The following NOTCH4 variants were observed in gnomAD, a reference collection of about 807,000 sequenced individuals.
The protein encoded by NOTCH4 is neurogenic locus notch homolog protein 4.
Under a neutral mutation model 189.0 loss-of-function variants are expected in NOTCH4, and 138 were observed. That is an observed-to-expected ratio of 0.73 (90% CI 0.64 to 0.84). The LOEUF (loss-of-function observed/expected upper bound fraction) is 0.84. Among genes scored for constraint, NOTCH4 ranks in the 40% least tolerant of loss-of-function variants. NOTCH4 has a pLI of 0.00. For synonymous variants in NOTCH4, 942 were observed against 1,032.8 expected (o/e 0.91, Z 1.69); for missense variants, 2,286 against 2,605.4 (o/e 0.88, Z 2.67).
At position 32,217,318 on chromosome 6, in the gene NOTCH4, C is replaced by G. The variant is rs946219417; in HGVS notation, c.1625-52G>C. The G allele has an allele frequency of 1.7e-6, 2 of 1,174,088 alleles. No individual in the cohort carries two copies. Among genetic ancestry groups the G allele is most frequent in the Non-Finnish European group, 2.5e-6 (2 of 789,282 alleles). 72.7% of individuals were successfully genotyped at this position (1,174,088 alleles called of 1,614,324 possible). A position where few individuals can be genotyped will look rare whatever the true frequency, so the allele number is the denominator to read the frequency against. ...AGGAGGCCAAGGTCATCGAGGGAGG[C>G]ACAGCATGGCGCCTTCCCTTGCCAG... On this transcript the variant is annotated intron_variant, in intron 9 of 29. Coordinates refer to ENST00000375023, the MANE Select transcript of NOTCH4 (RefSeq NM_004557.4). The surrounding 1 kb of genome is among the most constrained non-coding windows in gnomAD (Gnocchi z 4.2).
chr6:32,196,113 G>T lies in NOTCH4; in HGVS notation c.5336C>A (p.Ala1779Glu), dbSNP rs1385423454. 6.3e-7 allele frequency: 1 copy of T among 1,589,476 alleles called. No homozygotes were observed. The highest frequency in any genetic ancestry group is 1.3e-5 in the African/African-American group (1 of 74,706). Residue 1779 changes from alanine (A) to glutamate (E), a missense_variant, in exon 30 of 30, where the codon GCG (alanine) becomes GAG (glutamate). Physicochemically the swap from Ala to Glu is moderately radical, Grantham distance 107. Coordinates refer to ENST00000375023, the MANE Select transcript of NOTCH4 (RefSeq NM_004557.4). ...TPLFLAAREG[A>E]VEVAQLLLGL... ...CAGCAGTAGCTGGGCTACTTCCACC[G>T]CTCCTTCCCGCGCCGCCAGGAATAG...
At chr6:32,203,672 T>A in intron 20 of NOTCH4, 98 bp downstream of exon 20, 1 of 850,440 alleles carries the variant, frequency 1.2e-6, no homozygotes, top group Non-Finnish European at 1.8e-6. Context: ...AATTTCCACA[T>A]CAGTGCTCAC....
chr6:32,201,453 C>A lies in NOTCH4; in HGVS notation c.3803G>T (p.Cys1268Phe). The A allele has an allele frequency of 6.5e-7, 1 of 1,529,574 alleles. No homozygotes were observed. The highest frequency in any genetic ancestry group is 8.8e-7 in the Non-Finnish European group (1 of 1,140,108). The allele number at this position is 1,529,574 out of a possible 1,614,324, so 94.8% of individuals were successfully genotyped here. ...CTCTGCAGTGTTGCAGCCTTTCTCA[C>A]AGTGCCCGTTGTGGAAGTGATCATG... ...YCHDHFHNGH[C>F]EKGCNTAECG... Residue 1268 changes from cysteine (C) to phenylalanine (F), a missense_variant, in exon 22 of 30, where the codon TGT (cysteine) becomes TTT (phenylalanine). Cys to Phe is a radical substitution (Grantham distance 205, BLOSUM62 -2). Coordinates refer to ENST00000375023, the MANE Select transcript of NOTCH4 (RefSeq NM_004557.4). This position sits in a 1 kb window ranked among gnomAD's most constrained non-coding sequence, Gnocchi z 5.5.
Position 32,195,004 on chromosome 6 carries a change from G to T in NOTCH4, c.*433C>A. 4.1e-6 allele frequency: 1 copy of T among 244,346 alleles called. No individual in the cohort carries two copies. Among genetic ancestry groups the T allele is most frequent in the Non-Finnish European group, 8.0e-6 (1 of 125,362 alleles). 15.1% of individuals were successfully genotyped at this position (244,346 alleles called of 1,614,324 possible). A position where few individuals can be genotyped will look rare whatever the true frequency, so the allele number is the denominator to read the frequency against. On this transcript the variant is annotated 3_prime_UTR_variant, in exon 30 of 30. Coordinates refer to ENST00000375023, the MANE Select transcript of NOTCH4 (RefSeq NM_004557.4). This position sits in a 1 kb window ranked among gnomAD's most constrained non-coding sequence, Gnocchi z 5.4. ...GGGGGTGGCCCTTGGCCACTTTTCA[G>T]CACCTACACAGTGCCTGGCACATAG... is the stretch of plus-strand genomic sequence containing the variant.
At position 32,217,066 on chromosome 6, in the gene NOTCH4, G is replaced by C; in HGVS notation, c.1740C>G (p.Gly580=). ...PGAFHCKCLP[G]FEGPRCQTEV... Reference sequence around the variant, plus strand: ...CTGTTTGACAGCGTGGCCCTTCAAAGCCTGTGGCACAGCAGGAAGGTCAGG... The same window carrying C: ...CTGTTTGACAGCGTGGCCCTTCAAACCCTGTGGCACAGCAGGAAGGTCAGG... The change falls in exon 11 of 30, where the codon GGC becomes GGG. Residue 580 remains glycine, a splice_region_variant and synonymous_variant. Transcript: ENST00000375023. The surrounding 1 kb of genome is among the most constrained non-coding windows in gnomAD (Gnocchi z 4.2). 1 of 1,613,074 alleles carries C rather than the reference G, an allele frequency of 6.2e-7. No individual in the cohort carries two copies. The highest frequency in any genetic ancestry group is 8.5e-7 in the Non-Finnish European group (1 of 1,180,030).
At position 32,212,381 on chromosome 6, in the gene NOTCH4, G is replaced by T; in HGVS notation, c.2680+93C>A. ...TTTTGATTCTCAGATGGTTGTTTTG[G>T]CCAAAAGCTGTGTGGAAGCCCACAG... On this transcript the variant is annotated intron_variant, in intron 17 of 29. Transcript: ENST00000375023. This position sits in a 1 kb window ranked among gnomAD's most constrained non-coding sequence, Gnocchi z 4.4. 3 of 1,299,046 alleles carry T rather than the reference G, an allele frequency of 2.3e-6. No homozygotes were observed. The highest frequency in any genetic ancestry group is 3.2e-6 in the Non-Finnish European group (3 of 939,874). The allele number at this position is 1,299,046 out of a possible 1,614,324, so 80.5% of individuals were successfully genotyped here.
Position 32,196,123 on chromosome 6 carries a change from G to A in NOTCH4, c.5326C>T (p.Arg1776Trp). ...TGGGCTACTTCCACCGCTCCTTCCC[G>A]CGCCGCCAGGAATAGCGGCGTCTGC... ...REQTPLFLAA[R>W]EGAVEVAQLL... The change falls in exon 30 of 30, where the codon CGG (arginine) becomes TGG (tryptophan). Residue 1776 changes from arginine (R) to tryptophan (W), a missense_variant. By Grantham distance (101) the Arg-to-Trp change is moderately radical. Around this residue, in one of 2 missense-constraint regions of NOTCH4, gnomAD observed 383 missense variants for 343.5 expected, o/e 1.11. Transcript: ENST00000375023. 1 of 1,589,066 alleles carries A rather than the reference G, an allele frequency of 6.3e-7. No individual in the cohort carries two copies. Among genetic ancestry groups the A allele is most frequent in the African/African-American group, 1.3e-5 (1 of 74,680 alleles).
chr6:32,216,447 T>C, intron 11 of NOTCH4: 1 of 188,440 alleles, frequency 5.3e-6, no homozygotes, highest in Non-Finnish European at 1.1e-5. Flanking sequence ...CTTTCAAGAC[T>C]CATCTCAGCC....
Position 32,201,728 on chromosome 6 carries a change from T to C in NOTCH4, c.3756-228A>G. The C allele has an allele frequency of 2.4e-6, 1 of 421,976 alleles. No individual in the cohort carries two copies. Among genetic ancestry groups the C allele is most frequent in the Non-Finnish European group, 4.1e-6 (1 of 243,910 alleles). The allele number at this position is 421,976 out of a possible 1,614,324, so 26.1% of individuals were successfully genotyped here. ...CCCCTCTCTGTACCCTCCCAAGCTC[T>C]CCTCTGTTTCTAAAGGAGAGTCCCA... On this transcript the variant is annotated intron_variant, in intron 21 of 29. Coordinates refer to ENST00000375023, the MANE Select transcript of NOTCH4 (RefSeq NM_004557.4). This position sits in a 1 kb window ranked among gnomAD's most constrained non-coding sequence, Gnocchi z 5.5.
rs566416115 is a variant in NOTCH4 at position 32,221,847 on chromosome 6, C to G, written c.452-522G>C. On this transcript the variant is annotated intron_variant, in intron 3 of 29. Transcript: ENST00000375023. This position sits in a 1 kb window ranked among gnomAD's most constrained non-coding sequence, Gnocchi z 4.3. The stretch of plus-strand genomic sequence containing the variant: ...CTCCTGAGCATCGGCCCCTTCTGTC[C>G]TCTCAGCAACCTTATGAAGTGTGAC... 2.1e-4 allele frequency among the ~76,000 whole-genome samples: 32 copies of G among 152,298 alleles called. No homozygotes were observed. Among genetic ancestry groups the G allele is most frequent in the Middle Eastern group, 6.8e-3 (2 of 294 alleles).
rs1204715570 is a variant in NOTCH4 at position 32,197,167 on chromosome 6, C to T, written c.5053-95G>A. On this transcript the variant is annotated intron_variant, in intron 27 of 29. Transcript: ENST00000375023. Reference sequence around the variant, plus strand: ...ACCCCACTCGCAATCCATATTCAGCCATCCTCCGCAGTTTCCCTGTCAGGT... The same window carrying T: ...ACCCCACTCGCAATCCATATTCAGCTATCCTCCGCAGTTTCCCTGTCAGGT... The T allele has an allele frequency of 2.0e-6, 3 of 1,529,900 alleles. No homozygotes were observed. The East Asian group carries it at 6.8e-5, about 35-fold the overall frequency. The allele number at this position is 1,529,900 out of a possible 1,614,324, so 94.8% of individuals were successfully genotyped here. A position where few individuals can be genotyped will look rare whatever the true frequency, so the allele number is the denominator to read the frequency against.
In NOTCH4 at chr6:32,213,716, G is replaced by A. The variant is rs780589692; in HGVS notation, c.2292C>T (p.Cys764=). Residue 764 remains cysteine (C), a synonymous_variant, in exon 14 of 30, where the codon TGC becomes TGT. Coordinates refer to ENST00000375023, the MANE Select transcript of NOTCH4 (RefSeq NM_004557.4). ...TCPPSHTGPQ[C]QTSTDYCVSA... The stretch of plus-strand genomic sequence containing the variant: ...ACACACAGTAGTCAGTGCTGGTTTG[G>A]CACTGGGGCCCTGTGTGGCTTGGAG... 5.6e-6 allele frequency: 9 copies of A among 1,612,930 alleles called. No homozygotes were observed. The highest frequency in any genetic ancestry group is 6.8e-6 in the Non-Finnish European group (8 of 1,180,006).
chr6:32,223,372 C>A (rs553075891), intron 1 of NOTCH4, among the ~76,000 whole-genome samples: 1 of 152,088 alleles, frequency 6.6e-6, no homozygotes, highest in Non-Finnish European at 1.5e-5. Context: ...AGAAGAGGGG[C>A]GGAGGTGGCT....
chr6:32,208,091 G>A (rs1788810630), intron 18 of NOTCH4, among the ~76,000 whole-genome samples: 1 of 151,624 alleles, frequency 6.6e-6, no homozygotes, highest in Admixed American at 6.6e-5. Flanking sequence ...TCAACAGCCA[G>A]GCAACAAAGG....
Position 32,212,372 on chromosome 6 carries a change from G to T in NOTCH4, c.2680+102C>A. 1 of 1,146,402 alleles carries T rather than the reference G, an allele frequency of 8.7e-7. No homozygotes were observed. Among genetic ancestry groups the T allele is most frequent in the Non-Finnish European group, 1.2e-6 (1 of 801,990 alleles). 71.0% of individuals were successfully genotyped at this position (1,146,402 alleles called of 1,614,324 possible). A position where few individuals can be genotyped will look rare whatever the true frequency, so the allele number is the denominator to read the frequency against. ...TCTGTGTGGTTTTGATTCTCAGATG[G>T]TTGTTTTGGCCAAAAGCTGTGTGGA... On this transcript the variant is annotated intron_variant, in intron 17 of 29. Coordinates refer to ENST00000375023, the MANE Select transcript of NOTCH4 (RefSeq NM_004557.4). This position sits in a 1 kb window ranked among gnomAD's most constrained non-coding sequence, Gnocchi z 4.4.
At position 32,202,115 on chromosome 6, in the gene NOTCH4, A is replaced by G. The variant is rs754003520; in HGVS notation, c.3716T>C (p.Leu1239Pro). The change falls in exon 21 of 30, where the codon CTG becomes CCG. Residue 1239 changes from leucine to proline, a missense_variant. Leu to Pro is a moderately conservative substitution (Grantham distance 98). This residue lies in a region of NOTCH4 where 1,903 missense variants were observed against 2,261.9 expected (regional missense o/e 0.84). Coordinates refer to ENST00000375023, the MANE Select transcript of NOTCH4 (RefSeq NM_004557.4). The surrounding 1 kb of genome is among the most constrained non-coding windows in gnomAD (Gnocchi z 5.7). ...GGTCTCACAGTCGTAGCCATCAAACAGACACTCTTCAGAGTCACACTGTGG... is the reference window on the plus strand; with the variant it reads ...GGTCTCACAGTCGTAGCCATCAAACGGACACTCTTCAGAGTCACACTGTGG... The part of the protein sequence containing the change: ...CHPQCDSEEC[L>P]FDGYDCETPP... The G allele has an allele frequency of 6.7e-7, 1 of 1,498,942 alleles. No individual in the cohort carries two copies. 92.9% of individuals were successfully genotyped at this position (1,498,942 alleles called of 1,614,324 possible). A position where few individuals can be genotyped will look rare whatever the true frequency, so the allele number is the denominator to read the frequency against.
chr6:32,215,423 TCCACATCCTTCATTGGGCCAAAG>T (rs754821073), intron 11 of NOTCH4, 38 bp from the exon 12 acceptor site: 16 of 1,555,242 alleles, frequency 1.0e-5, no homozygotes, highest in Admixed American at 5.9e-5. Flanking sequence ...AAACAGCTCC[TCCACATCCTTCATTGGGCCAAAG>T]CCACATCCTT....
rs1375593999 is a variant in NOTCH4 at position 32,199,451 on chromosome 6, T to C, written c.4316-306A>G. Among the ~76,000 whole-genome samples the C allele has an allele frequency of 6.6e-6, 1 of 152,084 alleles. No homozygotes were observed. Among genetic ancestry groups the C allele is most frequent in the African/African-American group, 2.4e-5 (1 of 41,390 alleles). Reference sequence around the variant, plus strand: ...TGGGTGTAGTGGCTTACTCCTATAATCTCAGCACTTTGGGAGGCTGAGGCG... The same window carrying C: ...TGGGTGTAGTGGCTTACTCCTATAACCTCAGCACTTTGGGAGGCTGAGGCG... On this transcript the variant is annotated intron_variant, in intron 23 of 29. Transcript: ENST00000375023. This position sits in a 1 kb window ranked among gnomAD's most constrained non-coding sequence, Gnocchi z 4.9.
rs1051409108 is a variant in NOTCH4 at position 32,210,749 on chromosome 6, C to T, written c.2865+3G>A. The stretch of plus-strand genomic sequence containing the variant: ...CTCCCCCTTCTCCTGCAGACCCTCT[C>T]ACCTGGCAGAGATACCCACTGGGCT... On this transcript the variant is annotated splice_donor_region_variant and intron_variant, in intron 18 of 29. Transcript: ENST00000375023. This position sits in a 1 kb window ranked among gnomAD's most constrained non-coding sequence, Gnocchi z 4.8. 1.2e-6 allele frequency: 2 copies of T among 1,612,198 alleles called. No individual in the cohort carries two copies. The highest frequency in any genetic ancestry group is 1.3e-5 in the African/African-American group (1 of 75,040).
Sources: gnomAD v4.1 joint callset for allele counts (sites outside exome capture counted in the v4.1 genomes callset) on GRCh38, gnomAD v4.1.1 for gene constraint, gnomAD v4.1.1 regional missense constraint, Gnocchi (gnomAD v3.1) non-coding constraint, MANE v1.5 for transcripts, NCBI Gene and HGNC (gene_info 2026-07-23, HGNC 2026-07-21) for gene names.